Variants in FBH1 observed in about 807,000 individuals in gnomAD.
FBH1 encodes DNA 3'-5' helicase 1.
FBH1 carries 43 observed loss-of-function variants against 115.5 expected under a neutral mutation model. The observed-to-expected ratio is 0.37, with a 90% CI of 0.29 to 0.48. FBH1 has a LOEUF of 0.48. Ranked by LOEUF, FBH1 falls within the 20% of genes least tolerant of loss-of-function variation. The pLI is 0.99. For missense variants in FBH1, 1,001 were observed against 1,337.3 expected (o/e 0.75, Z 3.92); for synonymous variants, 524 against 507.8 (o/e 1.03, Z -0.43).
intron 1 of FBH1, among the ~76,000 whole-genome samples, chr10:5,892,245 A>T (rs1307424992): frequency 1.3e-5 from 2 of 152,104 alleles, no homozygotes; most frequent in Non-Finnish European, 2.9e-5. Context: ...ATTGGCACCG[A>T]CTTGCTCCTT....
At chr10:5,934,455 G>T (rs1309724170) in intron 19 of FBH1, 1 of 142,478 alleles carries the variant, frequency 7.0e-6, no homozygotes, top group East Asian at 2.2e-4. Context: ...TCGGCTCACC[G>T]CAACCTCCAC....
chr10:5,934,804 C>G (rs994883077), intron 19 of FBH1: 5 of 152,204 alleles, frequency 3.3e-5, no homozygotes, highest in Non-Finnish European at 7.3e-5. Context: ...ACCTCAGCCT[C>G]CCGAGTAGCT....
At chr10:5,920,746 T>C (rs1390382957) in intron 13 of FBH1, among the ~76,000 whole-genome samples, 2 of 152,030 alleles carry the variant, frequency 1.3e-5, no homozygotes, top group Admixed American at 6.6e-5. Context: ...AAGAATGATA[T>C]CTTGCCAGCT....
At position 5,909,111 on chromosome 10, in the gene FBH1, G is replaced by C; in HGVS notation, c.885-48G>C. 1 of 1,613,486 alleles carries C rather than the reference G, an allele frequency of 6.2e-7. No individual in the cohort carries two copies. Among genetic ancestry groups the C allele is most frequent in the Non-Finnish European group, 8.5e-7 (1 of 1,179,826 alleles). ...TCTTTGAAGTCTTCCTTGTACATCA[G>C]TGCTTATGGTCACCCTACTCATGGC... On this transcript the variant is annotated intron_variant, in intron 4 of 20. Transcript: ENST00000362091. This position sits in a 1 kb window ranked among gnomAD's most constrained non-coding sequence, Gnocchi z 4.4.
intron 19 of FBH1, chr10:5,929,392 T>C (rs937150431): frequency 3.3e-5 from 5 of 152,240 alleles, no homozygotes; most frequent in African/African-American, 1.2e-4. Flanking sequence ...TTAGGTAGGC[T>C]GACTTGGCCA....
rs1831846813 is a variant in FBH1, at chr10:5,915,119, A to G, written c.1397-284A>G. On this transcript the variant is annotated intron_variant, in intron 8 of 20. Transcript: ENST00000362091. This position sits in a 1 kb window ranked among gnomAD's most constrained non-coding sequence, Gnocchi z 5.2. ...CTCGGGAACCCTACCTCTAATGGAT[A>G]CCCACTTATTTCTGAGAAGCAAACT... 6.6e-6 allele frequency among the ~76,000 whole-genome samples: 1 copy of G among 152,072 alleles called. No homozygotes were observed. The highest frequency in any genetic ancestry group is 1.5e-5 in the Non-Finnish European group (1 of 68,004).
chr10:5,923,761 G>A lies in FBH1; in HGVS notation c.2398+65G>A, dbSNP rs1009772000. On this transcript the variant is annotated intron_variant, in intron 16 of 20. Transcript: ENST00000362091. This position sits in a 1 kb window ranked among gnomAD's most constrained non-coding sequence, Gnocchi z 5.7. ...CCCAAGTGACAGGGACGAGAAAGAA[G>A]CAGGCCCAGTCTGAGTCAGGGACCC... The A allele has an allele frequency of 6.9e-7, 1 of 1,455,382 alleles. No homozygotes were observed. The highest frequency in any genetic ancestry group is 9.6e-7 in the Non-Finnish European group (1 of 1,041,882). 90.2% of individuals were successfully genotyped at this position (1,455,382 alleles called of 1,614,324 possible).
rs778630418 is a variant in FBH1 at position 5,900,702 on chromosome 10, A to G, written c.2-2318A>G. Among the ~76,000 whole-genome samples, 3 of 152,158 alleles carry G rather than the reference A, an allele frequency of 2.0e-5. No homozygotes were observed. The highest frequency in any genetic ancestry group is 4.4e-5 in the Non-Finnish European group (3 of 68,026). The stretch of plus-strand genomic sequence containing the variant: ...CTTGAAAAAGTTAACTGAAATTTGG[A>G]AGGGTGATTTCTGAATTAGCTAGGG... On this transcript the variant is annotated intron_variant, in intron 1 of 20. Coordinates refer to ENST00000362091, the MANE Select transcript of FBH1 (RefSeq NM_178150.3). This position sits in a 1 kb window ranked among gnomAD's most constrained non-coding sequence, Gnocchi z 4.2.
chr10:5,906,090 T>C lies in FBH1; in HGVS notation c.211T>C (p.Cys71Arg). 5 of 1,614,052 alleles carry C rather than the reference T, an allele frequency of 3.1e-6. No homozygotes were observed. The highest frequency in any genetic ancestry group is 1.7e-5 in the Admixed American group (1 of 60,030). The change falls in exon 3 of 21, where the codon TGC becomes CGC. Residue 71 changes from cysteine to arginine, a missense_variant. By Grantham distance (180) the Cys-to-Arg change is radical. Transcript: ENST00000362091. The surrounding 1 kb of genome is among the most constrained non-coding windows in gnomAD (Gnocchi z 7.3). ...PEFFLAGKQPCTNDMAKSNSV... is the reference protein window; with the variant it reads ...PEFFLAGKQPRTNDMAKSNSV... The stretch of plus-strand genomic sequence containing the variant: ...GTTCTTCCTAGCAGGCAAGCAGCCG[T>C]GCACCAATGACATGGCCAAAAGCAA...
At chr10:5,926,706 TC>T (rs1333393799) in intron 18 of FBH1, among the ~76,000 whole-genome samples, 1 of 152,212 alleles carries the variant, frequency 6.6e-6, no homozygotes. Flanking sequence ...TACCACCTTT[TC>T]CCTGCTTCTG....
In FBH1 at chr10:5,900,895, G is replaced by A. The variant is rs963618340; in HGVS notation, c.2-2125G>A. On this transcript the variant is annotated intron_variant, in intron 1 of 20. Coordinates refer to ENST00000362091, the MANE Select transcript of FBH1 (RefSeq NM_178150.3). This position sits in a 1 kb window ranked among gnomAD's most constrained non-coding sequence, Gnocchi z 4.2. ...ACGGATCACTTGAGGCCAGGAGTTC[G>A]AGACCAGCCTGGCCAACATAGTAAA... Among the ~76,000 whole-genome samples the A allele has an allele frequency of 1.3e-5, 2 of 151,982 alleles. No individual in the cohort carries two copies. The highest frequency in any genetic ancestry group is 4.8e-5 in the African/African-American group (2 of 41,376).
rs1833012371 is a variant in FBH1 at position 5,932,282 on chromosome 10, T to C, written c.2830-4174T>C. On this transcript the variant is annotated intron_variant, in intron 19 of 20. Coordinates refer to ENST00000362091, the MANE Select transcript of FBH1 (RefSeq NM_178150.3). The surrounding 1 kb of genome is among the most constrained non-coding windows in gnomAD (Gnocchi z 5.9). ...ATCCTTCAGTATTTCTTTATGCAAG[T>C]ATTAGCAAATTCGTAGGTATTTTCA... Among the ~76,000 whole-genome samples the C allele has an allele frequency of 6.6e-6, 1 of 152,274 alleles. No individual in the cohort carries two copies. Among genetic ancestry groups the C allele is most frequent in the Non-Finnish European group, 1.5e-5 (1 of 68,046 alleles).
chr10:5,933,596 A>AT lies in FBH1; in HGVS notation c.2830-2854dup, dbSNP rs1833100289. Among the ~76,000 whole-genome samples the AT allele has an allele frequency of 6.6e-6, 1 of 151,422 alleles. No homozygotes were observed. Among genetic ancestry groups the AT allele is most frequent in the African/African-American group, 2.4e-5 (1 of 41,200 alleles). ...AAAAACTGCCTATTTGTGGGAACAG[A>AT]TTTTTTAAGGCTGTAAGACCTTGTT... On this transcript the variant is annotated intron_variant, in intron 19 of 20. Transcript: ENST00000362091. The surrounding 1 kb of genome is among the most constrained non-coding windows in gnomAD (Gnocchi z 4.9).
intron 13 of FBH1, among the ~76,000 whole-genome samples, chr10:5,919,791 G>A (rs1314860022): frequency 6.6e-6 from 1 of 152,196 alleles, no homozygotes; most frequent in Non-Finnish European, 1.5e-5. Context: ...GTGATTTAGG[G>A]TAGCGTCACT....
Position 5,932,281 on chromosome 10 carries a change from G to GT in FBH1, c.2830-4174dup, listed in dbSNP as rs1833012512. ...AATCCTTCAGTATTTCTTTATGCAA[G>GT]TATTAGCAAATTCGTAGGTATTTTC... On this transcript the variant is annotated intron_variant, in intron 19 of 20. Transcript: ENST00000362091. This position sits in a 1 kb window ranked among gnomAD's most constrained non-coding sequence, Gnocchi z 5.9. Among the ~76,000 whole-genome samples, 1 of 152,216 alleles carries GT rather than the reference G, an allele frequency of 6.6e-6. No homozygotes were observed. The highest frequency in any genetic ancestry group is 6.5e-5 in the Admixed American group (1 of 15,270).
At chr10:5,901,307 C>T (rs1297510998) in intron 1 of FBH1, among the ~76,000 whole-genome samples, 1 of 151,972 alleles carries the variant, frequency 6.6e-6, no homozygotes, top group Non-Finnish European at 1.5e-5. Flanking sequence ...GGGGCATATG[C>T]CACCATGCCC....
intron 1 of FBH1, among the ~76,000 whole-genome samples, chr10:5,902,129 G>T (rs1843383664): frequency 6.6e-6 from 1 of 151,992 alleles, no homozygotes; most frequent in Non-Finnish European, 1.5e-5. Flanking sequence ...AAAGGAATTG[G>T]CTTCTCTTCC....
In FBH1 at chr10:5,909,026, G is replaced by T. The variant is rs777637137; in HGVS notation, c.855G>T (p.Glu285Asp). Residue 285 changes from glutamate (E) to aspartate (D), a missense_variant, in exon 4 of 21, where the codon GAG becomes GAT. Transcript: ENST00000362091. This position sits in a 1 kb window ranked among gnomAD's most constrained non-coding sequence, Gnocchi z 4.4. ...GILSNCGIEK[E>D]SDLCVLNLIR... ...TGTCTAACTGTGGCATAGAAAAGGA[G>T]TCAGACCTGTGTGTGCTGAACCTCA... 6.2e-7 allele frequency: 1 copy of T among 1,614,214 alleles called. No individual in the cohort carries two copies. The highest frequency in any genetic ancestry group is 8.5e-7 in the Non-Finnish European group (1 of 1,180,038).
rs532097715 is a variant in FBH1 at position 5,898,408 on chromosome 10, C to T, written c.2-4612C>T. 9.9e-5 allele frequency among the ~76,000 whole-genome samples: 15 copies of T among 151,818 alleles called. No homozygotes were observed. In the South Asian group the frequency reaches 1.7e-3, roughly 17 times the overall value. Reference sequence around the variant, plus strand: ...TTGTGACCTTATCACTTCCTAGAACCGCATTTTTTTTTTTTCTTTTGAGAC... The same window carrying T: ...TTGTGACCTTATCACTTCCTAGAACTGCATTTTTTTTTTTTCTTTTGAGAC... On this transcript the variant is annotated intron_variant, in intron 1 of 20. Coordinates refer to ENST00000362091, the MANE Select transcript of FBH1 (RefSeq NM_178150.3).
Sources: gnomAD v4.1 joint callset for allele counts (sites outside exome capture counted in the v4.1 genomes callset) on GRCh38, gnomAD v4.1.1 for gene constraint, Gnocchi (gnomAD v3.1) non-coding constraint, MANE v1.5 for transcripts, NCBI Gene and HGNC (gene_info 2026-07-23, HGNC 2026-07-21) for gene names.